The following MYO16 variants were observed in gnomAD, a reference collection of about 807,000 sequenced individuals.
MYO16 encodes the protein myosin XVI.
Under a neutral mutation model 205.3 loss-of-function variants are expected in MYO16, and 94 were observed. The observed-to-expected ratio is 0.46, with a 90% CI of 0.39 to 0.54. The LOEUF is 0.54. MYO16 is among the 20% of genes least tolerant of loss of function. MYO16 has a pLI of 0.00. For synonymous variants in MYO16, 988 were observed against 954.0 expected, an observed-to-expected ratio of 1.04 and a Z score of -0.66; for missense variants, 2,315 against 2,387.5, an observed-to-expected ratio of 0.97 and a Z score of 0.63.
intron 1 of MYO16, among the ~76,000 whole-genome samples, chr13:108,606,154 G>C (rs1011802648): frequency 6.6e-6 from 1 of 152,146 alleles, no homozygotes; most frequent in Non-Finnish European, 1.5e-5. Flanking sequence ...ATAAAAGTTT[G>C]GAAAATTTGC....
At chr13:108,808,604 T>C (rs1282189956) in intron 7 of MYO16, among the ~76,000 whole-genome samples, 1 of 152,066 alleles carries the variant, frequency 6.6e-6, no homozygotes, top group Non-Finnish European at 1.5e-5. Context: ...TGAGCCACCA[T>C]GCCCTGCCAG....
intron 9 of MYO16, among the ~76,000 whole-genome samples, chr13:108,826,338 A>G (rs1004462813): frequency 3.9e-5 from 6 of 152,164 alleles, no homozygotes; most frequent in African/African-American, 1.4e-4. Context: ...GCCTTTTACA[A>G]TAAACAGTAC....
intron 6 of MYO16, 42 bp downstream of exon 6, chr13:108,793,682 A>G (rs1444610302): frequency 3.8e-6 from 6 of 1,558,934 alleles, no homozygotes; most frequent in Non-Finnish European, 4.4e-6. Flanking sequence ...TGAATAGAGA[A>G]TTTAAGTTGA....
intron 4 of MYO16, among the ~76,000 whole-genome samples, chr13:108,758,938 A>G (rs956630915): frequency 1.8e-4 from 28 of 152,164 alleles, no homozygotes; most frequent in Admixed American, 1.6e-3. Context: ...TTCTTTTAAA[A>G]TATTGTATCT....
At chr13:108,736,685 C>A (rs1390731950) in intron 4 of MYO16, among the ~76,000 whole-genome samples, 8 of 152,140 alleles carry the variant, frequency 5.3e-5, no homozygotes, top group African/African-American at 1.9e-4. Flanking sequence ...TGAAGAGAGT[C>A]ATTGGTAGCT....
chr13:109,037,363 T>C (rs1886750215), intron 23 of MYO16, among the ~76,000 whole-genome samples: 1 of 152,152 alleles, frequency 6.6e-6, no homozygotes, highest in African/African-American at 2.4e-5. Flanking sequence ...ACTTCTTTTC[T>C]TAGGAAGCAT....
chr13:108,613,738 G>A (rs1053236450), intron 1 of MYO16, among the ~76,000 whole-genome samples: 1 of 151,976 alleles, frequency 6.6e-6, no homozygotes, highest in African/African-American at 2.4e-5. Flanking sequence ...ATATTAACAG[G>A]CAAAGTATTA....
intron 9 of MYO16, among the ~76,000 whole-genome samples, chr13:108,835,509 G>T (rs1876865713): frequency 6.6e-6 from 1 of 152,184 alleles, no homozygotes; most frequent in Non-Finnish European, 1.5e-5. Flanking sequence ...GTGGGGTGCT[G>T]CTGTAAAGAT....
chr13:108,546,966 T>C, the MYO16 span, among the ~76,000 whole-genome samples: 1 of 152,050 alleles, frequency 6.6e-6, no homozygotes, highest in Non-Finnish European at 1.5e-5. Flanking sequence ...AATCAACTTG[T>C]ATCAGCTCTA....
chr13:108,792,549 G>C (rs1264860682), intron 5 of MYO16, among the ~76,000 whole-genome samples: 1 of 132,430 alleles, frequency 7.6e-6, no homozygotes, highest in Non-Finnish European at 1.6e-5. Flanking sequence ...TTTGCTCTTG[G>C]TGCCCAGGCT....
At chr13:109,074,424 A>C (rs143827342) in intron 27 of MYO16, among the ~76,000 whole-genome samples, 7 of 152,328 alleles carry the variant, frequency 4.6e-5, no homozygotes, top group African/African-American at 1.7e-4. Flanking sequence ...GGGAGGCCTC[A>C]GGAAACTTAC....
chr13:109,086,955 C>T (rs1399437816), intron 27 of MYO16, among the ~76,000 whole-genome samples: 1 of 152,164 alleles, frequency 6.6e-6, no homozygotes, highest in Non-Finnish European at 1.5e-5. Flanking sequence ...CATTAAAATT[C>T]ACTGCTACTA....
chr13:108,724,128 A>G (rs879233520), intron 3 of MYO16, among the ~76,000 whole-genome samples: 1 of 152,166 alleles, frequency 6.6e-6, no homozygotes, highest in African/African-American at 2.4e-5. Context: ...AGCATATAGA[A>G]ATATCTTTGT....
At chr13:108,985,006 G>C (rs1884578854) in intron 20 of MYO16, among the ~76,000 whole-genome samples, 1 of 152,148 alleles carries the variant, frequency 6.6e-6, no homozygotes, top group Admixed American at 6.5e-5. Context: ...TCCTTGAAAA[G>C]ACAAATAAGC....
At chr13:108,768,710 G>A (rs977476970) in intron 4 of MYO16, among the ~76,000 whole-genome samples, 5 of 152,124 alleles carry the variant, frequency 3.3e-5, no homozygotes, top group Admixed American at 6.5e-5. Flanking sequence ...CATTTGATGA[G>A]CATATTTGAG....
At position 109,022,240 on chromosome 13, in the gene MYO16, T is replaced by C. The variant is rs891409765; in HGVS notation, c.2796+2329T>C. Among the ~76,000 whole-genome samples the C allele has an allele frequency of 1.0e-3, 134 of 132,706 alleles. 5 individuals are homozygous for C. The highest frequency in any genetic ancestry group is 3.9e-3 in the African/African-American group (131 of 33,336). 87.1% of individuals were successfully genotyped at this position (132,706 alleles called of 152,430 possible). ...TATTTATATATTATATATATGTATA[T>C]ATTTATATATACAAATATATATACA... On this transcript the variant is annotated intron_variant, in intron 23 of 34. Coordinates refer to ENST00000457511, the MANE Select transcript of MYO16 (RefSeq NM_001198950.3).
intron 24 of MYO16, chr13:109,048,220 G>T: frequency 2.8e-4 from 141 of 502,196 alleles, no homozygotes; most frequent in Middle Eastern, 1.1e-3. Flanking sequence ...ATGAAAATAT[G>T]ATGGCTAGTC....
At chr13:108,859,267 A>G (rs1258312929) in intron 11 of MYO16, among the ~76,000 whole-genome samples, 1 of 151,712 alleles carries the variant, frequency 6.6e-6, no homozygotes, top group Non-Finnish European at 1.5e-5. Context: ...GTTCACTGCT[A>G]TGTATGACCC....
chr13:109,181,041 T>C (rs1380384592), intron 34 of MYO16, among the ~76,000 whole-genome samples: 1 of 152,240 alleles, frequency 6.6e-6, no homozygotes, highest in Non-Finnish European at 1.5e-5. Flanking sequence ...CCCTGCAATG[T>C]GGTTCTTAGA....
Sources: gnomAD v4.1 joint callset for allele counts (sites outside exome capture counted in the v4.1 genomes callset) on GRCh38, gnomAD v4.1.1 for gene constraint, MANE v1.5 for transcripts, NCBI Gene and HGNC (gene_info 2026-07-23, HGNC 2026-07-21) for gene names.